Variants in TRMT1L observed in about 807,000 individuals in gnomAD.
TRMT1L encodes tRNA (guanine(27)-N(2))-dimethyltransferase.
In TRMT1L, 28 loss-of-function variants were observed where a neutral mutation model predicts 81.6. The observed-to-expected ratio is 0.34, with a 90% CI of 0.25 to 0.47. The LOEUF (loss-of-function observed/expected upper bound fraction) is 0.47, where lower values mean the gene tolerates loss of function less well. TRMT1L is among the 20% of genes least tolerant of loss of function. The pLI, the probability that TRMT1L is intolerant of heterozygous loss-of-function variation, is 1.00. For synonymous variants in TRMT1L, 301 were observed against 303.2 expected, an observed-to-expected ratio of 0.99 and a Z score of 0.07; for missense variants, 739 against 877.1, an observed-to-expected ratio of 0.84 and a Z score of 1.99.
At chr1:185,124,837 CTATT>C (rs1652583444) in intron 12 of TRMT1L, 103 bp downstream of exon 12, 7 of 1,070,404 alleles carry the variant, frequency 6.5e-6, no homozygotes, top group East Asian at 2.8e-5. Flanking sequence ...TAAAAACACA[CTATT>C]TATAATTATA....
In TRMT1L at chr1:185,137,622, A is replaced by C. The variant is rs1281328059; in HGVS notation, c.1497T>G (p.Asp499Glu). The stretch of plus-strand genomic sequence containing the variant: ...TGAATTTACCTTCTACCATATTACC[A>C]TCCTTCTGAAAAATTCTCTCTTCAC... ...QWCEERIFQK[D>E]GNMVEENPYR... The change falls in exon 10 of 15, where the codon GAT (aspartate) becomes GAG (glutamate). Residue 499 changes from aspartate (D) to glutamate (E), a missense_variant. Physicochemically the swap from Asp to Glu is conservative, Grantham distance 45. Coordinates refer to ENST00000367506, the MANE Select transcript of TRMT1L (RefSeq NM_030934.5). 11 of 1,613,814 alleles carry C rather than the reference A, an allele frequency of 6.8e-6. No homozygotes were observed. The highest frequency in any genetic ancestry group is 1.6e-4 in the Middle Eastern group (1 of 6,084).
rs1653005707 is a variant in TRMT1L, at chr1:185,140,362, C to A, written c.860-140G>T. The A allele has an allele frequency of 4.0e-5, 29 of 731,114 alleles. No homozygotes were observed. In the South Asian group the frequency reaches 6.0e-4, roughly 15 times the overall value. 45.3% of individuals were successfully genotyped at this position (731,114 alleles called of 1,614,324 possible). ...TCATGAATCTTATTCCTTCTTACTA[C>A]AAAGCTTCTCAAGAAAGGTTATAAC... On this transcript the variant is annotated intron_variant, in intron 7 of 14. Coordinates refer to ENST00000367506, the MANE Select transcript of TRMT1L (RefSeq NM_030934.5).
In TRMT1L at chr1:185,120,484, GATC is replaced by G. The variant is rs1652472345; in HGVS notation, c.1845_1847del (p.Met615del). 3 of 1,594,500 alleles carry G rather than the reference GATC, an allele frequency of 1.9e-6. No homozygotes were observed. In the Admixed American group the frequency reaches 5.4e-5, roughly 29 times the overall value. ...TCTTTTGCTTCTTGCCTAAATTTGT[GATC>G]ATTTCATTACTTTTTCTCTTTCCTG... On this transcript the variant is annotated inframe_deletion, in exon 14 of 15. Transcript: ENST00000367506.
intron 1 of TRMT1L, among the ~76,000 whole-genome samples, chr1:185,153,379 A>G (rs1653413590): frequency 2.0e-5 from 3 of 152,178 alleles, no homozygotes; most frequent in Admixed American, 2.0e-4. Context: ...AATTAAGTAG[A>G]AGGAATCAGG....
At chr1:185,145,833 A>G (rs1653173775) in intron 4 of TRMT1L, among the ~76,000 whole-genome samples, 1 of 151,978 alleles carries the variant, frequency 6.6e-6, no homozygotes, top group South Asian at 2.1e-4. Context: ...TATAGGTTGC[A>G]TTTAAAAATG....
At chr1:185,148,935 T>A (rs1653258695) in intron 3 of TRMT1L, among the ~76,000 whole-genome samples, 1 of 152,140 alleles carries the variant, frequency 6.6e-6, no homozygotes, top group Admixed American at 6.5e-5. Flanking sequence ...CAAGGCTGGT[T>A]GACACTCCAA....
At chr1:185,151,249 T>G (rs909626858) in intron 2 of TRMT1L, among the ~76,000 whole-genome samples, 1 of 152,200 alleles carries the variant, frequency 6.6e-6, no homozygotes, top group Non-Finnish European at 1.5e-5. Context: ...TTCTTTTTTC[T>G]CTTATACCTA....
At chr1:185,143,584 A>G (rs1299882324) in intron 6 of TRMT1L, 148 bp from the exon 7 acceptor site, 42 of 636,464 alleles carry the variant, frequency 6.6e-5, no homozygotes, top group Non-Finnish European at 9.1e-5. Context: ...ATTTAATACT[A>G]TAAGAACTAA....
rs547591256 is a variant in TRMT1L, at chr1:185,134,180, C to CT, written c.1513+3425dup. Among the ~76,000 whole-genome samples the CT allele has an allele frequency of 2.1e-3, 319 of 151,918 alleles. 4 individuals carry two copies. The highest frequency in any genetic ancestry group is 4.7e-4 in the Non-Finnish European group (32 of 67,904). Reference sequence around the variant, plus strand: ...TAATAAGACTTACGGAACTATTTGACTTTTTTTTCTTTCTTTTTTTGAGAG... The same window carrying CT: ...TAATAAGACTTACGGAACTATTTGACTTTTTTTTTCTTTCTTTTTTTGAGAG... On this transcript the variant is annotated intron_variant, in intron 10 of 14. Coordinates refer to ENST00000367506, the MANE Select transcript of TRMT1L (RefSeq NM_030934.5).
At chr1:185,157,084 T>G, upstream of TRMT1L, 1 of 201,962 alleles carries the variant, frequency 5.0e-6, no homozygotes, top group Non-Finnish European at 1.0e-5. Context: ...GCACCCAGGA[T>G]ACACTGCGCA....
In TRMT1L at chr1:185,156,909, A is replaced by G; in HGVS notation, c.-197T>C. ...TAGTAGAAAACAGAAAGCCAGAGGC[A>G]GCGATTCCAGATGCCCGTCCGCTTC... On this transcript the variant is annotated 5_prime_UTR_variant, in exon 1 of 15. Transcript: ENST00000367506. The G allele has an allele frequency of 1.4e-6, 1 of 728,290 alleles. No homozygotes were observed. Among genetic ancestry groups the G allele is most frequent in the East Asian group, 3.2e-5 (1 of 31,162 alleles). The allele number at this position is 728,290 out of a possible 1,614,324, so 45.1% of individuals were successfully genotyped here.
intron 10 of TRMT1L, among the ~76,000 whole-genome samples, 186 bp from the exon 11 acceptor site, chr1:185,128,933 C>T (rs1283926602): frequency 6.6e-6 from 1 of 151,976 alleles, no homozygotes; most frequent in African/African-American, 2.4e-5. Context: ...TATGTATACA[C>T]ACATATATGT....
chr1:185,129,486 T>C (rs536901190), intron 10 of TRMT1L, among the ~76,000 whole-genome samples: 1 of 152,364 alleles, frequency 6.6e-6, no homozygotes, highest in South Asian at 2.1e-4. Flanking sequence ...AATATTTGAC[T>C]ATGGAACTTT....
chr1:185,139,355 G>C lies in TRMT1L; in HGVS notation c.1322+12C>G, dbSNP rs750303884. The C allele has an allele frequency of 3.7e-6, 6 of 1,607,882 alleles. No individual in the cohort carries two copies. The Admixed American group carries it at 1.0e-4, about 27-fold the overall frequency. On this transcript the variant is annotated intron_variant, in intron 9 of 14. Transcript: ENST00000367506. ...CTGAAACACACTAAGTACACTGTTG[G>C]CAATTTGGTACCTTGCCACTGCAGC...
At chr1:185,143,809 A>G in intron 6 of TRMT1L, 97 bp downstream of exon 6, 2 of 1,035,626 alleles carry the variant, frequency 1.9e-6, no homozygotes, top group Non-Finnish European at 2.6e-6. Context: ...TTCTGCACCT[A>G]GTTCTAAATT....
intron 8 of TRMT1L, 97 bp from the exon 9 acceptor site, chr1:185,139,676 A>G: frequency 1.1e-6 from 1 of 880,686 alleles, no homozygotes; most frequent in Non-Finnish European, 1.7e-6. Context: ...ATGGATTTAA[A>G]AATACATTGC....
intron 7 of TRMT1L, among the ~76,000 whole-genome samples, chr1:185,143,007 A>G (rs1356355850): frequency 6.6e-6 from 1 of 152,124 alleles, no homozygotes; most frequent in Non-Finnish European, 1.5e-5. Context: ...TAGTGGTTTT[A>G]TTTTTTAAAA....
intron 11 of TRMT1L, 90 bp from the exon 12 acceptor site, chr1:185,125,200 T>C: frequency 1.2e-6 from 1 of 813,630 alleles, no homozygotes; most frequent in South Asian, 2.8e-5. Flanking sequence ...AAGTAAGATA[T>C]ATAATTAATT....
In TRMT1L at chr1:185,137,658, A is replaced by G. The variant is rs779739797; in HGVS notation, c.1461T>C (p.His487=). 2 of 1,614,012 alleles carry G rather than the reference A, an allele frequency of 1.2e-6. No homozygotes were observed. Among genetic ancestry groups the G allele is most frequent in the Non-Finnish European group, 1.7e-6 (2 of 1,180,022 alleles). The change falls in exon 10 of 15, where the codon CAT becomes CAC. Residue 487 remains histidine (H), a synonymous_variant. Coordinates refer to ENST00000367506, the MANE Select transcript of TRMT1L (RefSeq NM_030934.5). The part of the protein sequence containing the change: ...ETAKKIQYLI[H]CQWCEERIFQ... ...AAATTCTCTCTTCACACCACTGACAATGGATCAGGTATTGAATCTTCTTGG... is the reference window on the plus strand; with the variant it reads ...AAATTCTCTCTTCACACCACTGACAGTGGATCAGGTATTGAATCTTCTTGG...
Sources: gnomAD v4.1 joint callset for allele counts (sites outside exome capture counted in the v4.1 genomes callset) on GRCh38, gnomAD v4.1.1 for gene constraint, MANE v1.5 for transcripts, NCBI Gene and HGNC (gene_info 2026-07-23, HGNC 2026-07-21) for gene names.